The following ERC2 variants were observed in gnomAD, a reference collection of about 807,000 sequenced individuals.
ERC2 encodes the protein ELKS/RAB6-interacting/CAST family member 2, also known as ERC protein 2.
A neutral mutation model predicts 114.8 loss-of-function variants in ERC2; 42 were observed. The ratio of observed to expected loss-of-function variants is 0.37; its 90% CI spans 0.29 to 0.47. The LOEUF (loss-of-function observed/expected upper bound fraction) is 0.47. Ranked by LOEUF, ERC2 falls within the 20% of genes least tolerant of loss-of-function variation. The probability of loss-of-function intolerance (pLI) is 0.99; values close to 1 mark genes in which losing one functional copy is unlikely to be tolerated. For missense variants in ERC2, 939 were observed against 1,150.7 expected, an observed-to-expected ratio of 0.82 and a Z score of 2.66; for synonymous variants, 454 against 425.5, an observed-to-expected ratio of 1.07 and a Z score of -0.82.
Position 56,429,806 on chromosome 3 carries a change from G to A in ERC2, c.657+4545C>T, listed in dbSNP as rs540387475. ...CTTTGCACATAAGAAATTTGGTCAC[G>A]GCCACCTACTCATTAGCTCCAAGGT... is the stretch of plus-strand genomic sequence containing the variant. On this transcript the variant is annotated intron_variant, in intron 2 of 17. Transcript: ENST00000288221. 2.0e-5 allele frequency among the ~76,000 whole-genome samples: 3 copies of A among 152,178 alleles called. No homozygotes were observed. In the East Asian group the frequency reaches 5.8e-4, roughly 29 times the overall value.
At chr3:55,822,409 C>T (rs1183906735) in intron 14 of ERC2, among the ~76,000 whole-genome samples, 3 of 151,980 alleles carry the variant, frequency 2.0e-5, no homozygotes, top group Non-Finnish European at 4.4e-5. Context: ...CCTGTTACAC[C>T]CCTTAATTAA....
chr3:55,679,991 G>A (rs373720490), intron 17 of ERC2, among the ~76,000 whole-genome samples: 3 of 152,182 alleles, frequency 2.0e-5, no homozygotes, highest in African/African-American at 7.2e-5. Flanking sequence ...GGGGAGGCAT[G>A]GCAGGGAGTT....
intron 1 of ERC2, among the ~76,000 whole-genome samples, chr3:56,452,973 A>G (rs1024658641): frequency 6.6e-6 from 1 of 152,242 alleles, no homozygotes; most frequent in African/African-American, 2.4e-5. Flanking sequence ...CCTCATGAGT[A>G]AAATAGAAAT....
intron 5 of ERC2, among the ~76,000 whole-genome samples, chr3:56,141,517 C>T (rs2080854278): frequency 6.6e-6 from 1 of 152,092 alleles, no homozygotes; most frequent in Non-Finnish European, 1.5e-5. Context: ...CATGGTGGCC[C>T]CTTTGTCTTG....
rs2058599530 is a variant in ERC2 at position 55,605,380 on chromosome 3, G to T, written c.*39+78414C>A. ...CCAGTCACTGGGATTACAGACATCA[G>T]CCACCATGACTGGTGAAAATATTTT... On this transcript the variant is annotated intron_variant, in intron 17 of 17. Transcript: ENST00000288221. Among the ~76,000 whole-genome samples the T allele has an allele frequency of 2.0e-5, 3 of 152,304 alleles. No individual in the cohort carries two copies. The South Asian group carries it at 6.2e-4, about 32-fold the overall frequency.
Position 55,714,659 on chromosome 3 carries a change from GTGTGTGTGTATATATATATA to G in ERC2, c.2713-15167_2713-15148del, listed in dbSNP as rs1396993659. Among the ~76,000 whole-genome samples, 87 of 70,856 alleles carry G rather than the reference GTGTGTGTGTATATATATATA, an allele frequency of 1.2e-3. 1 individual carries two copies. Among genetic ancestry groups the G allele is most frequent in the Admixed American group, 3.2e-3 (15 of 4,648 alleles). The allele number at this position is 70,856 out of a possible 152,430, so 46.5% of individuals were successfully genotyped here. The stretch of plus-strand genomic sequence containing the variant: ...TATATATGTGTGTGTGTGTGTGTGT[GTGTGTGTGTATATATATATA>G]TATATATATATATATATATATATAT... On this transcript the variant is annotated intron_variant, in intron 15 of 17. Coordinates refer to ENST00000288221, the MANE Select transcript of ERC2 (RefSeq NM_015576.3).
At chr3:55,932,935 G>A (rs111574378) in intron 13 of ERC2, among the ~76,000 whole-genome samples, 33 of 152,334 alleles carry the variant, frequency 2.2e-4, no homozygotes, top group African/African-American at 7.7e-4. Context: ...AGCACTGGGC[G>A]TGGTAGCTCA....
intron 12 of ERC2, among the ~76,000 whole-genome samples, chr3:55,967,184 G>A (rs1352979774): frequency 1.3e-5 from 2 of 152,174 alleles, no homozygotes; most frequent in Non-Finnish European, 2.9e-5. Context: ...ATGGGATAAT[G>A]TATGGATAAC....
At chr3:56,432,546 C>T (rs953021437) in intron 2 of ERC2, among the ~76,000 whole-genome samples, 8 of 152,164 alleles carry the variant, frequency 5.3e-5, no homozygotes, top group Non-Finnish European at 8.8e-5. Flanking sequence ...CACATTTCTA[C>T]GTCTGAAAAC....
At chr3:55,796,914 G>A (rs1194396321) in intron 14 of ERC2, among the ~76,000 whole-genome samples, 1 of 151,918 alleles carries the variant, frequency 6.6e-6, no homozygotes, top group Non-Finnish European at 1.5e-5. Context: ...CAACCAAAAG[G>A]GGAAACAAAA....
At chr3:56,007,725 C>T (rs561771488) in intron 9 of ERC2, among the ~76,000 whole-genome samples, 38 of 152,170 alleles carry the variant, frequency 2.5e-4, no homozygotes, top group African/African-American at 8.4e-4. Context: ...TTAATGCATC[C>T]GCTCCCAAGA....
chr3:56,121,321 T>C (rs994631424), intron 6 of ERC2, among the ~76,000 whole-genome samples: 25 of 152,344 alleles, frequency 1.6e-4, no homozygotes, highest in African/African-American at 5.8e-4. Context: ...TTAACTCGTA[T>C]TGTCTTTACT....
chr3:56,415,068 C>T (rs1331851211), intron 2 of ERC2, among the ~76,000 whole-genome samples: 1 of 152,158 alleles, frequency 6.6e-6, no homozygotes, highest in East Asian at 1.9e-4. Flanking sequence ...TACATGAAGT[C>T]CTCCAGTTTT....
At chr3:55,842,393 A>ACC (rs1167500266) in intron 14 of ERC2, among the ~76,000 whole-genome samples, 1 of 152,162 alleles carries the variant, frequency 6.6e-6, no homozygotes, top group East Asian at 1.9e-4. Context: ...CACACAATGA[A>ACC]CGTTCAGCTC....
intron 17 of ERC2, among the ~76,000 whole-genome samples, chr3:55,670,996 G>A (rs1292460343): frequency 1.3e-5 from 2 of 152,154 alleles, no homozygotes; most frequent in Non-Finnish European, 2.9e-5. Context: ...TTGCAGCCAA[G>A]ACCACACGTG....
At chr3:56,215,061 A>G (rs1403662662) in intron 3 of ERC2, among the ~76,000 whole-genome samples, 1 of 152,216 alleles carries the variant, frequency 6.6e-6, no homozygotes, top group Non-Finnish European at 1.5e-5. Context: ...AAGACCATCG[A>G]GGCTAGGAAG....
At chr3:55,852,647 TC>T (rs1483586748) in intron 14 of ERC2, 1 of 152,782 alleles carries the variant, frequency 6.5e-6, no homozygotes, top group Non-Finnish European at 1.5e-5. Context: ...TGGATTCTTT[TC>T]TTTTGACTCC....
intron 3 of ERC2, among the ~76,000 whole-genome samples, chr3:56,234,026 G>A (rs2050790190): frequency 6.6e-6 from 1 of 152,100 alleles, no homozygotes; most frequent in East Asian, 1.9e-4. Flanking sequence ...CATAATCACA[G>A]GTTTTGGAGA....
At chr3:56,058,251 T>C (rs1381199478) in intron 7 of ERC2, among the ~76,000 whole-genome samples, 2 of 152,202 alleles carry the variant, frequency 1.3e-5, no homozygotes, top group African/African-American at 4.8e-5. Flanking sequence ...TGTACAGACC[T>C]GCAAGTGGTC....
Sources: gnomAD v4.1 joint callset for allele counts (sites outside exome capture counted in the v4.1 genomes callset) on GRCh38, gnomAD v4.1.1 for gene constraint, MANE v1.5 for transcripts, NCBI Gene and HGNC (gene_info 2026-07-23, HGNC 2026-07-21) for gene names.